The following LRRIQ1 variants were observed in gnomAD, a reference collection of about 807,000 sequenced individuals.
The protein encoded by LRRIQ1 is leucine rich repeats and IQ motif containing 1, also known as leucine-rich repeat- and IQ domain-containing protein 1.
LRRIQ1 carries 210 observed loss-of-function variants against 211.9 expected under a neutral mutation model. The observed-to-expected ratio is 0.99, with a 90% CI of 0.89 to 1.11. LRRIQ1 has a LOEUF of 1.11. Among genes scored for constraint, LRRIQ1 ranks in the 50% most tolerant of loss-of-function variants. The pLI, the probability that LRRIQ1 is intolerant of heterozygous loss-of-function variation, is 0.00. For missense variants in LRRIQ1, 2,136 were observed against 1,939.5 expected (o/e 1.10, Z -1.90); for synonymous variants, 699 against 650.1 (o/e 1.08, Z -1.14).
At chr12:85,245,152 T>G, downstream of LRRIQ1, 2 of 694,900 alleles carry the variant, frequency 2.9e-6, no homozygotes, top group Non-Finnish European at 4.3e-6. Flanking sequence ...CAATATCTCC[T>G]GCCCCCCACA....
chr12:85,126,922 T>C (rs1315621041), intron 17 of LRRIQ1, among the ~76,000 whole-genome samples: 2 of 152,152 alleles, frequency 1.3e-5, no homozygotes, highest in East Asian at 1.9e-4. Context: ...AGAAGTTTCA[T>C]TGGATTTGGC....
intron 15 of LRRIQ1, among the ~76,000 whole-genome samples, chr12:85,115,943 T>C (rs939792014): frequency 3.3e-5 from 5 of 152,232 alleles, no homozygotes; most frequent in Admixed American, 3.3e-4. Flanking sequence ...TTAATTATTC[T>C]GCATAGAAGC....
At chr12:85,172,765 G>A (rs555040038) in intron 24 of LRRIQ1, among the ~76,000 whole-genome samples, 4 of 152,204 alleles carry the variant, frequency 2.6e-5, no homozygotes, top group Non-Finnish European at 4.4e-5. Context: ...TCAAAGGTTC[G>A]GGAATTGATG....
At chr12:85,147,817 A>G (rs1889986938) in intron 19 of LRRIQ1, among the ~76,000 whole-genome samples, 1 of 150,524 alleles carries the variant, frequency 6.6e-6, no homozygotes, top group African/African-American at 2.5e-5. Context: ...CTTGTTGGTC[A>G]TTGAATTCAA....
At chr12:85,126,673 T>C (rs1888389177) in intron 17 of LRRIQ1, among the ~76,000 whole-genome samples, 1 of 152,164 alleles carries the variant, frequency 6.6e-6, no homozygotes, top group South Asian at 2.1e-4. Context: ...CAATATTCTA[T>C]TCGTAGTAAA....
chr12:85,144,943 T>C (rs1889788656), intron 19 of LRRIQ1, among the ~76,000 whole-genome samples: 1 of 151,614 alleles, frequency 6.6e-6, no homozygotes, highest in African/African-American at 2.4e-5. Flanking sequence ...TTGTTTTTGT[T>C]TTTTGTTTTT....
chr12:85,188,083 C>G (rs908362266), intron 24 of LRRIQ1, among the ~76,000 whole-genome samples: 1 of 151,696 alleles, frequency 6.6e-6, no homozygotes, highest in African/African-American at 2.4e-5. Context: ...GTTTGGGACT[C>G]TATTGGCTTA....
At chr12:85,073,744 A>C (rs1883343774) in intron 11 of LRRIQ1, among the ~76,000 whole-genome samples, 1 of 152,048 alleles carries the variant, frequency 6.6e-6, no homozygotes, top group Admixed American at 6.6e-5. Flanking sequence ...AAAACACTGT[A>C]TTTATTGAGT....
At chr12:85,217,457 G>A (rs1328798859) in intron 24 of LRRIQ1, among the ~76,000 whole-genome samples, 1 of 114,210 alleles carries the variant, frequency 8.8e-6, no homozygotes, top group South Asian at 2.7e-4. Context: ...GATAGAGCAG[G>A]GACCTGAAGT....
At chr12:85,119,315 T>C (rs1887807846) in intron 15 of LRRIQ1, among the ~76,000 whole-genome samples, 1 of 152,172 alleles carries the variant, frequency 6.6e-6, no homozygotes, top group South Asian at 2.1e-4. Flanking sequence ...TTAACTTTTC[T>C]CCACCTCTTT....
intron 18 of LRRIQ1, among the ~76,000 whole-genome samples, chr12:85,128,524 C>G (rs868224110): frequency 1.3e-4 from 20 of 152,142 alleles, no homozygotes; most frequent in African/African-American, 3.9e-4. Flanking sequence ...TGCTTGAGCT[C>G]AGAAGTGTGA....
chr12:85,261,598 T>C (rs1285109856), intron 1 of LRRIQ1, among the ~76,000 whole-genome samples: 1 of 151,796 alleles, frequency 6.6e-6, no homozygotes, highest in South Asian at 2.1e-4. Flanking sequence ...AGCATCACAA[T>C]GGAGAATCAT....
At chr12:85,133,293 A>G (rs1479981936) in intron 18 of LRRIQ1, among the ~76,000 whole-genome samples, 3 of 152,154 alleles carry the variant, frequency 2.0e-5, no homozygotes, top group Admixed American at 2.0e-4. Flanking sequence ...TAGGTTGGGT[A>G]AAAAGAAAGT....
intron 10 of LRRIQ1, among the ~76,000 whole-genome samples, chr12:85,071,754 A>G (rs1360974940): frequency 6.6e-6 from 1 of 152,048 alleles, no homozygotes; most frequent in Non-Finnish European, 1.5e-5. Context: ...GATGTCTTAC[A>G]TGGTGGCAGG....
chr12:85,165,036 A>G (rs1186463907), intron 24 of LRRIQ1, among the ~76,000 whole-genome samples: 1 of 152,132 alleles, frequency 6.6e-6, no homozygotes, highest in Non-Finnish European at 1.5e-5. Context: ...TGTGACCTAT[A>G]GTTAGCTGCT....
intron 24 of LRRIQ1, among the ~76,000 whole-genome samples, chr12:85,213,274 A>T (rs547034661): frequency 6.6e-6 from 1 of 152,090 alleles, no homozygotes; most frequent in East Asian, 1.9e-4. Context: ...TCAAAATGAT[A>T]AAAAGTTCCA....
At chr12:85,057,629 A>G (rs761158914) in intron 8 of LRRIQ1, among the ~76,000 whole-genome samples, 7 of 152,092 alleles carry the variant, frequency 4.6e-5, no homozygotes, top group East Asian at 1.9e-4. Flanking sequence ...CTTGCATGAT[A>G]GAAGACCCTG....
chr12:85,223,808 T>C (rs967428619), intron 24 of LRRIQ1, among the ~76,000 whole-genome samples: 10 of 151,966 alleles, frequency 6.6e-5, no homozygotes, highest in African/African-American at 2.2e-4. Context: ...CAGTAGATAA[T>C]TGAAGAAAAC....
chr12:85,061,856 G>C (rs1055101227), intron 8 of LRRIQ1, among the ~76,000 whole-genome samples: 9 of 151,700 alleles, frequency 5.9e-5, no homozygotes, highest in African/African-American at 1.9e-4. Context: ...AATTGCTTTA[G>C]ATTATGAATA....
Sources: allele counts gnomAD v4.1 joint callset (sites outside exome capture counted in the v4.1 genomes callset), GRCh38; gene constraint gnomAD v4.1.1; transcripts MANE v1.5; gene names NCBI Gene and HGNC (gene_info 2026-07-23, HGNC 2026-07-21).